The following PTPN9 variants were observed in gnomAD, a reference collection of about 807,000 sequenced individuals.
PTPN9 encodes tyrosine-protein phosphatase non-receptor type 9.
PTPN9 carries 26 observed loss-of-function variants against 69.8 expected under a neutral mutation model. That is an observed-to-expected ratio of 0.37 (90% CI 0.27 to 0.52). The LOEUF is 0.52. Ranked by LOEUF, PTPN9 falls within the 20% of genes least tolerant of loss-of-function variation. The pLI is 0.91. For missense variants in PTPN9, 549 were observed against 740.3 expected, an observed-to-expected ratio of 0.74 and a Z score of 3.00; for synonymous variants, 274 against 272.5, an observed-to-expected ratio of 1.01 and a Z score of -0.05.
chr15:75,505,605 A>C, intron 7 of PTPN9, 70 bp downstream of exon 7: 4 of 1,177,636 alleles, frequency 3.4e-6, no homozygotes, highest in Non-Finnish European at 5.0e-6. Flanking sequence ...GAGGGGTGGA[A>C]GGAGCTGTTG....
At chr15:75,524,084 A>T in intron 3 of PTPN9, 125 bp downstream of exon 3, 1 of 383,068 alleles carries the variant, frequency 2.6e-6, no homozygotes, top group Non-Finnish European at 4.5e-6. Context: ...GTGCACATGT[A>T]CCCTAAAACT....
chr15:75,578,593 G>T, intron 1 of PTPN9, 121 bp downstream of exon 1: 1 of 830,170 alleles, frequency 1.2e-6, no homozygotes, highest in Non-Finnish European at 1.6e-6. Flanking sequence ...CCCGCGAGCC[G>T]GGCACGGGAG....
At chr15:75,500,393 GT>G (rs1595953786) in intron 7 of PTPN9, among the ~76,000 whole-genome samples, 1 of 150,284 alleles carries the variant, frequency 6.7e-6, no homozygotes, top group Non-Finnish European at 1.5e-5. Context: ...ACACAAATTA[GT>G]TGGGTGTGGT....
chr15:75,484,778 CTCTT>C (rs1473737126), intron 8 of PTPN9, among the ~76,000 whole-genome samples: 5 of 152,190 alleles, frequency 3.3e-5, no homozygotes, highest in African/African-American at 1.2e-4. Flanking sequence ...GTCAGACTGA[CTCTT>C]TCCTCAACCT....
rs200988084 is a variant in PTPN9, at chr15:75,567,995, CAAAA to C, written c.63+10715_63+10718del. On this transcript the variant is annotated intron_variant, in intron 1 of 12. Coordinates refer to ENST00000618819, the MANE Select transcript of PTPN9 (RefSeq NM_002833.4). ...TGGGCGACACAGCGAGACTCCGTCT[CAAAA>C]AAAAAAAAAAAGAAAACAAAAACTG... 9.4e-5 allele frequency among the ~76,000 whole-genome samples: 9 copies of C among 96,056 alleles called. No individual in the cohort carries two copies. In the South Asian group the frequency reaches 2.2e-3, roughly 24 times the overall value. The allele number at this position is 96,056 out of a possible 152,430, so 63.0% of individuals were successfully genotyped here.
Position 75,505,730 on chromosome 15 carries a change from CAT to C in PTPN9, c.911_912del (p.Tyr304Ter), listed in dbSNP as rs1418851882. 6.2e-7 allele frequency: 1 copy of C among 1,614,076 alleles called. No homozygotes were observed. Among genetic ancestry groups the C allele is most frequent in the Non-Finnish European group, 8.5e-7 (1 of 1,179,974 alleles). The part of the protein sequence containing the change: ...YVNARQKQGI[Y>X]EEYEDIRREN... ...TCACGACGAATGTCTTCATATTCCT[CAT>C]AGATTCCTTGCTTTTGCCTGGCATT... On this transcript the variant is annotated frameshift_variant, in exon 7 of 13. Transcript: ENST00000618819. LOFTEE classifies it high-confidence loss of function.
intron 1 of PTPN9, among the ~76,000 whole-genome samples, chr15:75,540,298 C>T (rs546666977): frequency 2.6e-5 from 4 of 152,236 alleles, no homozygotes; most frequent in South Asian, 2.1e-4. Flanking sequence ...TGTTGGCTCA[C>T]GCCTGTAATC....
chr15:75,530,810 TATC>T (rs1239554600), intron 1 of PTPN9, among the ~76,000 whole-genome samples: 7 of 89,256 alleles, frequency 7.8e-5, no homozygotes, highest in African/African-American at 3.0e-4. Context: ...TATTATAATA[TATC>T]ATAATATAAT....
At chr15:75,469,055 C>G in intron 12 of PTPN9, 72 bp from the exon 13 acceptor site, 1 of 1,368,458 alleles carries the variant, frequency 7.3e-7, no homozygotes. Flanking sequence ...ATAACCCAGG[C>G]AGAACTGAAT....
chr15:75,516,848 G>A (rs1007642915), intron 5 of PTPN9, among the ~76,000 whole-genome samples: 9 of 148,532 alleles, frequency 6.1e-5, no homozygotes, highest in East Asian at 2.0e-4. Flanking sequence ...AGGTTCGAGC[G>A]ATTCTCCTGC....
At chr15:75,532,098 A>C (rs2141325597) in intron 1 of PTPN9, among the ~76,000 whole-genome samples, 1 of 152,296 alleles carries the variant, frequency 6.6e-6, no homozygotes, top group Non-Finnish European at 1.5e-5. Flanking sequence ...CCATCTGTTA[A>C]GATAAATTTT....
At chr15:75,518,572 C>T (rs1462476687) in intron 4 of PTPN9, among the ~76,000 whole-genome samples, 1 of 151,756 alleles carries the variant, frequency 6.6e-6, no homozygotes, top group African/African-American at 2.4e-5. Context: ...AATCCCAGCA[C>T]TTTGGGAGGC....
chr15:75,551,196 T>C (rs927386275), intron 1 of PTPN9, among the ~76,000 whole-genome samples: 2 of 152,128 alleles, frequency 1.3e-5, no homozygotes, highest in Admixed American at 1.3e-4. Context: ...CAGGCTCCAG[T>C]GTAGCTGGGA....
chr15:75,503,521 A>G (rs1280505319), intron 7 of PTPN9, among the ~76,000 whole-genome samples: 2 of 146,402 alleles, frequency 1.4e-5, no homozygotes, highest in African/African-American at 5.1e-5. Context: ...TCCGCCCGGC[A>G]GCCGCCCCGT....
chr15:75,474,155 A>G (rs2074583642), intron 9 of PTPN9, among the ~76,000 whole-genome samples: 1 of 152,200 alleles, frequency 6.6e-6, no homozygotes, highest in Admixed American at 6.5e-5. Context: ...ATTGCTTACT[A>G]AACCATTAAC....
intron 3 of PTPN9, among the ~76,000 whole-genome samples, 187 bp downstream of exon 3, chr15:75,524,022 G>A (rs1327849888): frequency 6.6e-6 from 1 of 151,208 alleles, no homozygotes; most frequent in Non-Finnish European, 1.5e-5. Context: ...GAGTTAATGG[G>A]TGCAGCACAC....
At chr15:75,512,879 A>G (rs1279683218) in intron 5 of PTPN9, 2 of 317,738 alleles carry the variant, frequency 6.3e-6, no homozygotes, top group South Asian at 6.7e-5. Context: ...CCAACTATGT[A>G]TTCTTCTGTA....
At chr15:75,559,783 A>AAAAAAAAAAAAAAAAAAAAG (rs925206692) in intron 1 of PTPN9, among the ~76,000 whole-genome samples, 1 of 142,542 alleles carries the variant, frequency 7.0e-6, no homozygotes. Context: ...AAAAAAAAAA[A>AAAAAAAAAAAAAAAAAAAAG]AAGAAGAAAG....
intron 1 of PTPN9, among the ~76,000 whole-genome samples, chr15:75,542,278 G>C (rs1320757845): frequency 6.6e-6 from 1 of 151,964 alleles, no homozygotes; most frequent in Non-Finnish European, 1.5e-5. Context: ...ATCCGTTAAG[G>C]GACTATGTGC....
Sources: gnomAD v4.1 joint callset for allele counts (sites outside exome capture counted in the v4.1 genomes callset) on GRCh38, gnomAD v4.1.1 for gene constraint, MANE v1.5 for transcripts, NCBI Gene and HGNC (gene_info 2026-07-23, HGNC 2026-07-21) for gene names.